Variants in GTF2E2 observed in about 807,000 individuals in gnomAD.
GTF2E2 encodes transcription initiation factor IIE subunit beta.
In GTF2E2, 21 loss-of-function variants were observed where a neutral mutation model predicts 40.5. That is an observed-to-expected ratio of 0.52 (90% CI 0.37 to 0.75). GTF2E2 has a LOEUF of 0.75. Ranked by LOEUF, GTF2E2 falls within the 30% of genes least tolerant of loss-of-function variation. The probability of loss-of-function intolerance (pLI) is 0.00; values close to 1 mark genes in which losing one functional copy is unlikely to be tolerated. For missense variants in GTF2E2, 298 were observed against 338.4 expected, an observed-to-expected ratio of 0.88 and a Z score of 0.94; for synonymous variants, 117 against 121.6, an observed-to-expected ratio of 0.96 and a Z score of 0.25.
chr8:30,615,543 T>C (rs901338526), intron 3 of GTF2E2, among the ~76,000 whole-genome samples: 5 of 152,140 alleles, frequency 3.3e-5, no homozygotes, highest in Non-Finnish European at 5.9e-5. Context: ...ACTACACAGA[T>C]GTTCACAAAG....
At chr8:30,633,032 T>A (rs1487531504) in intron 3 of GTF2E2, among the ~76,000 whole-genome samples, 1 of 152,224 alleles carries the variant, frequency 6.6e-6, no homozygotes, top group African/African-American at 2.4e-5. Context: ...AAATTTCTGA[T>A]ACAAAGTGAA....
chr8:30,578,858 G>T lies in GTF2E2; in HGVS notation c.*63C>A. 1.2e-6 allele frequency: 1 copy of T among 848,390 alleles called. No individual in the cohort carries two copies. Among genetic ancestry groups the T allele is most frequent in the Non-Finnish European group, 2.1e-6 (1 of 483,072 alleles). The allele number at this position is 848,390 out of a possible 1,614,324, so 52.6% of individuals were successfully genotyped here. On this transcript the variant is annotated 3_prime_UTR_variant, in exon 8 of 8. Transcript: ENST00000355904. ...GATAGGAAGACAGTCTTCAGACCCC[G>T]AGCATCAGCAAGAACACTCTTGATT... is the stretch of plus-strand genomic sequence containing the variant.
At chr8:30,635,623 T>C (rs1000647250) in intron 2 of GTF2E2, among the ~76,000 whole-genome samples, 10 of 152,112 alleles carry the variant, frequency 6.6e-5, no homozygotes, top group African/African-American at 1.9e-4. Context: ...ACTCAAGAGA[T>C]TCACCCATCT....
At chr8:30,607,814 C>T (rs1423885101) in intron 5 of GTF2E2, among the ~76,000 whole-genome samples, 3 of 152,110 alleles carry the variant, frequency 2.0e-5, no homozygotes, top group East Asian at 3.8e-4. Flanking sequence ...TGAGATATTT[C>T]GCTCCTTACT....
chr8:30,616,807 TAAA>T (rs11292387), intron 3 of GTF2E2, among the ~76,000 whole-genome samples: 4 of 151,372 alleles, frequency 2.6e-5, no homozygotes, highest in Non-Finnish European at 5.9e-5. Context: ...AAAACTGCTC[TAAA>T]AAAAAAAGTG....
At chr8:30,610,248 C>G (rs1270536112) in intron 5 of GTF2E2, among the ~76,000 whole-genome samples, 4 of 151,972 alleles carry the variant, frequency 2.6e-5, no homozygotes, top group Non-Finnish European at 5.9e-5. Context: ...GAGTTCGAGA[C>G]CAGACTGGCC....
chr8:30,655,740 G>A (rs752577553), intron 1 of GTF2E2, among the ~76,000 whole-genome samples: 1 of 152,178 alleles, frequency 6.6e-6, no homozygotes, highest in Admixed American at 6.5e-5. Flanking sequence ...TAATCAGACT[G>A]AATTTCAATT....
In GTF2E2 at chr8:30,579,092, G is replaced by A. The variant is rs1222622521; in HGVS notation, c.760-55C>T. On this transcript the variant is annotated intron_variant, in intron 7 of 7. Transcript: ENST00000355904. ...CAACAGCTGCTCTGAGGGGTGGTGT[G>A]GCCAGGATGTTCTGAGCATGCCCAG... is the stretch of plus-strand genomic sequence containing the variant. 3.2e-6 allele frequency: 3 copies of A among 934,444 alleles called. No individual in the cohort carries two copies. The East Asian group carries it at 7.2e-5, about 22-fold the overall frequency. 57.9% of individuals were successfully genotyped at this position (934,444 alleles called of 1,614,324 possible).
At chr8:30,645,726 G>A (rs1387041803) in intron 2 of GTF2E2, 4 of 982,618 alleles carry the variant, frequency 4.1e-6, no homozygotes, top group South Asian at 1.8e-5. Flanking sequence ...TCTAGTAGAA[G>A]GGGAAAAAAA....
At chr8:30,634,680 A>C (rs1801533463) in intron 3 of GTF2E2, among the ~76,000 whole-genome samples, 2 of 152,172 alleles carry the variant, frequency 1.3e-5, no homozygotes, top group Non-Finnish European at 2.9e-5. Flanking sequence ...ACATCAATGG[A>C]AGTAATAACC....
At chr8:30,613,815 T>C (rs897525039) in intron 4 of GTF2E2, among the ~76,000 whole-genome samples, 1 of 152,256 alleles carries the variant, frequency 6.6e-6, no homozygotes, top group Non-Finnish European at 1.5e-5. Flanking sequence ...TCACTTCATA[T>C]TTTAAAGCGG....
intron 5 of GTF2E2, among the ~76,000 whole-genome samples, chr8:30,611,948 G>A (rs1385832705): frequency 6.6e-6 from 1 of 152,118 alleles, no homozygotes; most frequent in Non-Finnish European, 1.5e-5. Context: ...AATGCCTCTA[G>A]TTCCTCAGGT....
intron 3 of GTF2E2, among the ~76,000 whole-genome samples, chr8:30,627,793 G>C (rs1163779578): frequency 1.3e-5 from 2 of 152,224 alleles, no homozygotes; most frequent in African/African-American, 4.8e-5. Context: ...ATTCTCAACA[G>C]AACACTGAAG....
chr8:30,639,476 G>A (rs1434219605), intron 2 of GTF2E2, among the ~76,000 whole-genome samples: 3 of 152,026 alleles, frequency 2.0e-5, no homozygotes, highest in Non-Finnish European at 4.4e-5. Flanking sequence ...AAGTCCTTTT[G>A]ATAAACTGCA....
chr8:30,620,602 T>C (rs1313989613), intron 3 of GTF2E2, among the ~76,000 whole-genome samples: 1 of 152,052 alleles, frequency 6.6e-6, no homozygotes, highest in African/African-American at 2.4e-5. Context: ...CTAGCACATG[T>C]ACAAACAGTA....
At chr8:30,631,059 AATGTGTCGCC>A (rs1338054289) in intron 3 of GTF2E2, among the ~76,000 whole-genome samples, 45 of 152,128 alleles carry the variant, frequency 3.0e-4, no homozygotes, top group Non-Finnish European at 5.4e-4. Context: ...ACAAGGTCTC[AATGTGTCGCC>A]CAGGCTGGAG....
At chr8:30,639,268 A>T (rs1801725116) in intron 2 of GTF2E2, among the ~76,000 whole-genome samples, 2 of 152,180 alleles carry the variant, frequency 1.3e-5, no homozygotes, top group African/African-American at 4.8e-5. Context: ...CTGAACAGAT[A>T]ATTTATACAG....
chr8:30,642,696 C>T (rs1392009158), intron 2 of GTF2E2, among the ~76,000 whole-genome samples: 1 of 152,220 alleles, frequency 6.6e-6, no homozygotes, highest in Non-Finnish European at 1.5e-5. Flanking sequence ...CACTATCCTA[C>T]ACCTTGTTCT....
intron 6 of GTF2E2, among the ~76,000 whole-genome samples, chr8:30,586,050 T>A (rs1403645481): frequency 1.3e-5 from 2 of 152,152 alleles, no homozygotes; most frequent in African/African-American, 4.8e-5. Context: ...CACTCCAGCC[T>A]GGGAGACAAA....
Sources: allele counts gnomAD v4.1 joint callset (sites outside exome capture counted in the v4.1 genomes callset), GRCh38; gene constraint gnomAD v4.1.1; transcripts MANE v1.5; gene names NCBI Gene and HGNC (gene_info 2026-07-23, HGNC 2026-07-21).